VPS13A: variants seen among roughly 807,000 people sequenced by gnomAD.
VPS13A encodes intermembrane lipid transfer protein VPS13A.
A neutral mutation model predicts 390.9 loss-of-function variants in VPS13A; 264 were observed. That is an observed-to-expected ratio of 0.68 (90% CI 0.61 to 0.75). VPS13A has a LOEUF of 0.75. VPS13A is among the 30% of genes least tolerant of loss of function. The probability of loss-of-function intolerance (pLI) is 0.00; values close to 1 mark genes in which losing one functional copy is unlikely to be tolerated. For missense variants in VPS13A, 3,409 were observed against 3,733.9 expected (o/e 0.91, Z 2.27); for synonymous variants, 1,231 against 1,227.1 (o/e 1.00, Z -0.07).
intron 71 of VPS13A, among the ~76,000 whole-genome samples, chr9:77,413,152 T>A (rs1430365676): frequency 1.3e-5 from 2 of 152,192 alleles, no homozygotes; most frequent in Non-Finnish European, 2.9e-5. Context: ...ATCAATATCA[T>A]GAAAATGCCC....
intron 53 of VPS13A, 138 bp downstream of exon 53, chr9:77,351,584 A>C (rs1319705170): frequency 9.1e-7 from 1 of 1,095,610 alleles, no homozygotes; most frequent in East Asian, 2.6e-5. Flanking sequence ...CAGCCTGGCC[A>C]ATAAGGTGAA....
At chr9:77,239,814 CCTTT>C (rs1424504201) in intron 19 of VPS13A, among the ~76,000 whole-genome samples, 13 of 151,744 alleles carry the variant, frequency 8.6e-5, no homozygotes, top group African/African-American at 2.9e-4. Context: ...TTCTAGGATA[CCTTT>C]CTTCCCCCTT....
intron 5 of VPS13A, among the ~76,000 whole-genome samples, chr9:77,208,223 A>G (rs1825786858): frequency 6.6e-6 from 1 of 152,144 alleles, no homozygotes; most frequent in Non-Finnish European, 1.5e-5. Context: ...TCTGTTGTCT[A>G]CTTAATTCTA....
intron 46 of VPS13A, among the ~76,000 whole-genome samples, chr9:77,336,805 T>A (rs1210844180): frequency 7.3e-6 from 1 of 136,870 alleles, no homozygotes; most frequent in Non-Finnish European, 1.6e-5. Context: ...TATCTATCTT[T>A]TTTTTTTTTT....
chr9:77,347,624 G>A (rs1300839908), intron 52 of VPS13A, among the ~76,000 whole-genome samples: 1 of 151,978 alleles, frequency 6.6e-6, no homozygotes, highest in Non-Finnish European at 1.5e-5. Context: ...TTACAGGCAT[G>A]TGCCACCATG....
intron 19 of VPS13A, among the ~76,000 whole-genome samples, chr9:77,242,615 G>C (rs1203628695): frequency 6.6e-6 from 1 of 151,940 alleles, no homozygotes; most frequent in Non-Finnish European, 1.5e-5. Context: ...ATTATATACT[G>C]AGTAGAAACC....
intron 5 of VPS13A, among the ~76,000 whole-genome samples, chr9:77,208,652 C>A (rs545789391): frequency 6.6e-6 from 1 of 151,898 alleles, no homozygotes; most frequent in Non-Finnish European, 1.5e-5. Context: ...CTGGTTCAAA[C>A]GATTCTCCTG....
rs990061243 is a variant in VPS13A at position 77,199,928 on chromosome 9, T to G, written c.101-17T>G. ...AAAATATTTGATTGTTTGAATCTTT[T>G]TTTTAATCTTTTTTAGGAGCTGTGG... On this transcript the variant is annotated splice_polypyrimidine_tract_variant and intron_variant, in intron 1 of 71. Coordinates refer to ENST00000360280, the MANE Select transcript of VPS13A (RefSeq NM_033305.3). 30 of 1,594,752 alleles carry G rather than the reference T, an allele frequency of 1.9e-5. No homozygotes were observed. Among genetic ancestry groups the G allele is most frequent in the Non-Finnish European group, 2.3e-5 (27 of 1,171,266 alleles).
At chr9:77,211,500 T>A (rs1825971704) in intron 7 of VPS13A, 1 of 152,160 alleles carries the variant, frequency 6.6e-6, no homozygotes, top group Non-Finnish European at 1.5e-5. Context: ...TATTGGGTTT[T>A]GTGTAAGATT....
rs775476552 is a variant in VPS13A, at chr9:77,319,607, G to A, written c.5349G>A (p.Glu1783=). ...HYYNEMFGVW[E]PLLEPLEIDQ... ...ATAATGAAATGTTTGGTGTATGGGA[G>A]CCTTTGCTTGAACCCTTAGAAATTG... is the stretch of plus-strand genomic sequence containing the variant. The change falls in exon 42 of 72, where the codon GAG becomes GAA. Residue 1783 remains glutamate, a synonymous_variant. Transcript: ENST00000360280. The A allele has an allele frequency of 6.2e-7, 1 of 1,612,014 alleles. No individual in the cohort carries two copies.
In VPS13A at chr9:77,196,633, G is replaced by A. The variant is rs565206253; in HGVS notation, c.101-3312G>A. On this transcript the variant is annotated intron_variant, in intron 1 of 71. Coordinates refer to ENST00000360280, the MANE Select transcript of VPS13A (RefSeq NM_033305.3). ...CCTTAGCATTATGCCTTCCAGGTGC[G>A]TCTGTGTTGCTGCAAAGGACAAGAT... Among the ~76,000 whole-genome samples, 80 of 151,266 alleles carry A rather than the reference G, an allele frequency of 5.3e-4. 1 individual carries two copies. Among genetic ancestry groups the A allele is most frequent in the African/African-American group, 1.5e-3 (62 of 41,288 alleles).
At chr9:77,352,159 G>A (rs941962976) in intron 53 of VPS13A, among the ~76,000 whole-genome samples, 28 of 152,300 alleles carry the variant, frequency 1.8e-4, no homozygotes, top group Admixed American at 1.3e-4. Context: ...CTTCTGTAAG[G>A]AACATTTAAG....
At chr9:77,344,774 AAGTT>A (rs1454112238) in intron 51 of VPS13A, among the ~76,000 whole-genome samples, 1 of 152,036 alleles carries the variant, frequency 6.6e-6, no homozygotes, top group Non-Finnish European at 1.5e-5. Context: ...AAAAAAAAAA[AAGTT>A]AGTTGGAATG....
At chr9:77,197,005 A>G (rs1345323550) in intron 1 of VPS13A, among the ~76,000 whole-genome samples, 1 of 151,960 alleles carries the variant, frequency 6.6e-6, no homozygotes, top group African/African-American at 2.4e-5. Flanking sequence ...ACCAGCATTT[A>G]TTTTTTTGTC....
intron 10 of VPS13A, among the ~76,000 whole-genome samples, chr9:77,215,152 CAAAA>C (rs972927670): frequency 1.3e-4 from 20 of 151,652 alleles, no homozygotes; most frequent in African/African-American, 4.8e-4. Flanking sequence ...CAAAAACAAA[CAAAA>C]AAAAGTGCTG....
chr9:77,308,139 CT>C (rs1828876595), intron 35 of VPS13A, 41 bp downstream of exon 35: 6 of 1,605,688 alleles, frequency 3.7e-6, no homozygotes, highest in Middle Eastern at 1.7e-4. Context: ...TTTCCTCTTT[CT>C]CTCTTTTTTC....
At position 77,405,975 on chromosome 9, in the gene VPS13A, C is replaced by T. The variant is rs772091021; in HGVS notation, c.9387C>T (p.Arg3129=). 4 of 1,613,662 alleles carry T rather than the reference C, an allele frequency of 2.5e-6. No homozygotes were observed. Among genetic ancestry groups the T allele is most frequent in the East Asian group, 4.5e-5 (2 of 44,862 alleles). Residue 3129 remains arginine, a synonymous_variant, in exon 70 of 72, where the codon CGC becomes CGT. Coordinates refer to ENST00000360280, the MANE Select transcript of VPS13A (RefSeq NM_033305.3). ...TCATTGTTCATGGGAGAAGATTGCGCATTGAAGCAAAGGTATGTTGAATAG... is the reference window on the plus strand; with the variant it reads ...TCATTGTTCATGGGAGAAGATTGCGTATTGAAGCAAAGGTATGTTGAATAG... ...EPFIVHGRRL[R]IEAKERVKSV...
chr9:77,318,474 T>A lies in VPS13A; in HGVS notation c.5196T>A (p.Val1732=), dbSNP rs1262159009. The stretch of plus-strand genomic sequence containing the variant: ...TGAACATTGATTCTATTTTTATAGT[T>A]CTTGAGGCTGGAATTGGTCATAGAA... ...IKMNIDSIFI[V]LEAGIGHRTV... Residue 1732 remains valine, a synonymous_variant, in exon 41 of 72, where the codon GTT becomes GTA. Transcript: ENST00000360280. 1.9e-6 allele frequency: 3 copies of A among 1,613,962 alleles called. No individual in the cohort carries two copies. The Admixed American group carries it at 5.0e-5, about 27-fold the overall frequency.
At chr9:77,326,337 T>A (rs1448339070) in intron 45 of VPS13A, among the ~76,000 whole-genome samples, 1 of 152,104 alleles carries the variant, frequency 6.6e-6, no homozygotes, top group Non-Finnish European at 1.5e-5. Flanking sequence ...GTTTCTAAAA[T>A]TTTTTCTGTC....
Sources: gnomAD v4.1 joint callset for allele counts (sites outside exome capture counted in the v4.1 genomes callset) on GRCh38, gnomAD v4.1.1 for gene constraint, MANE v1.5 for transcripts, NCBI Gene and HGNC (gene_info 2026-07-23, HGNC 2026-07-21) for gene names.